Variants in ABLIM3 observed in about 807,000 individuals in gnomAD.
The protein encoded by ABLIM3 is actin binding LIM protein family member 3.
ABLIM3 carries 61 observed loss-of-function variants against 109.5 expected under a neutral mutation model. That is an observed-to-expected ratio of 0.56 (90% CI 0.45 to 0.69). The LOEUF is 0.69. Among genes scored for constraint, ABLIM3 ranks in the 30% least tolerant of loss-of-function variants. The probability of loss-of-function intolerance (pLI) is 0.00; values close to 1 mark genes in which losing one functional copy is unlikely to be tolerated. For synonymous variants in ABLIM3, 300 were observed against 324.8 expected, an observed-to-expected ratio of 0.92 and a Z score of 0.82; for missense variants, 796 against 889.5, an observed-to-expected ratio of 0.89 and a Z score of 1.34.
At chr5:149,154,182 G>T (rs576780301) in intron 2 of ABLIM3, among the ~76,000 whole-genome samples, 1 of 152,210 alleles carries the variant, frequency 6.6e-6, no homozygotes, top group Non-Finnish European at 1.5e-5. Flanking sequence ...AGCAGCAGGG[G>T]CAGCCCAAGG....
At chr5:149,205,694 A>G (rs1758898195) in intron 5 of ABLIM3, among the ~76,000 whole-genome samples, 1 of 152,210 alleles carries the variant, frequency 6.6e-6, no homozygotes, top group Admixed American at 6.5e-5. Flanking sequence ...GAAACTCTTT[A>G]TTCTCTCAGC....
At chr5:149,209,537 C>G (rs1759338619) in intron 6 of ABLIM3, among the ~76,000 whole-genome samples, 1 of 152,260 alleles carries the variant, frequency 6.6e-6, no homozygotes, top group South Asian at 2.1e-4. Flanking sequence ...TTACCATCCT[C>G]TTTTAGAATT....
chr5:149,255,184 C>G (rs1239491321), intron 23 of ABLIM3, among the ~76,000 whole-genome samples: 3 of 152,234 alleles, frequency 2.0e-5, no homozygotes. Flanking sequence ...GGGAGCTTAA[C>G]TACACAGTGC....
chr5:149,215,472 T>C (rs896103586), intron 7 of ABLIM3, among the ~76,000 whole-genome samples: 14 of 149,334 alleles, frequency 9.4e-5, no homozygotes, highest in Admixed American at 8.0e-4. Flanking sequence ...ATAGAGATAA[T>C]ATCTCCAGAA....
intron 11 of ABLIM3, among the ~76,000 whole-genome samples, chr5:149,238,249 G>A (rs542719303): frequency 6.6e-6 from 1 of 152,328 alleles, no homozygotes; most frequent in African/African-American, 2.4e-5. Flanking sequence ...GGTCCTGGCA[G>A]TCTATATCCT....
rs185677814 is a variant in ABLIM3, at chr5:149,259,995, G to A, written c.*1591G>A. On this transcript the variant is annotated 3_prime_UTR_variant, in exon 24 of 24. Coordinates refer to ENST00000309868, the MANE Select transcript of ABLIM3 (RefSeq NM_014945.5). ...TCTCAGGGATATGCCTACCAATAGCGGGTATCGTAAGGCATGTACCCAAAC... is the reference window on the plus strand; with the variant it reads ...TCTCAGGGATATGCCTACCAATAGCAGGTATCGTAAGGCATGTACCCAAAC... 1.1e-4 allele frequency: 23 copies of A among 201,710 alleles called. No homozygotes were observed. The East Asian group carries it at 2.0e-3, about 18-fold the overall frequency. 12.5% of individuals were successfully genotyped at this position (201,710 alleles called of 1,614,324 possible). A position where few individuals can be genotyped will look rare whatever the true frequency, so the allele number is the denominator to read the frequency against.
At chr5:149,196,130 C>T (rs6580601) in intron 3 of ABLIM3, among the ~76,000 whole-genome samples, 85,516 of 151,886 alleles carry the variant, frequency 0.56, 24,726 homozygotes, top group Middle Eastern at 0.67. Flanking sequence ...ACTGTGTCTC[C>T]CACTGTCCTG....
intron 2 of ABLIM3, among the ~76,000 whole-genome samples, chr5:149,168,272 C>T (rs186518227): frequency 2.6e-5 from 4 of 152,186 alleles, no homozygotes; most frequent in Admixed American, 6.5e-5. Context: ...TGAGCTCAAG[C>T]GCTCTGTAAG....
intron 8 of ABLIM3, among the ~76,000 whole-genome samples, chr5:149,229,972 C>T (rs754720357): frequency 1.2e-4 from 19 of 152,150 alleles, no homozygotes; most frequent in Non-Finnish European, 1.9e-4. Context: ...TGCTCTCAAG[C>T]GGAATATACA....
At chr5:149,203,640 G>A (rs983800735) in intron 5 of ABLIM3, among the ~76,000 whole-genome samples, 3 of 151,124 alleles carry the variant, frequency 2.0e-5, no homozygotes, top group African/African-American at 4.9e-5. Flanking sequence ...CTTCGCCAAC[G>A]CTACCATAAT....
rs188054512 is a variant in ABLIM3 at position 149,250,781 on chromosome 5, G to A, written c.1788+276G>A. ...CACTTTGCAAGCACTAATTTGTTTT[G>A]CCTTCACAACCCATGGAGGCAGTTA... On this transcript the variant is annotated intron_variant, in intron 20 of 23. Transcript: ENST00000309868. Among the ~76,000 whole-genome samples, 8 of 152,278 alleles carry A rather than the reference G, an allele frequency of 5.3e-5. No homozygotes were observed. The East Asian group carries it at 1.5e-3, about 29-fold the overall frequency.
chr5:149,211,853 C>T (rs1380634175), intron 7 of ABLIM3, among the ~76,000 whole-genome samples: 3 of 152,028 alleles, frequency 2.0e-5, no homozygotes, highest in Non-Finnish European at 4.4e-5. Context: ...ATGAGCTTGA[C>T]CCATTCAAAG....
chr5:149,166,989 A>G (rs1484327553), intron 2 of ABLIM3, among the ~76,000 whole-genome samples: 1 of 152,154 alleles, frequency 6.6e-6, no homozygotes. Context: ...GTGTTTGTCT[A>G]TGTGGGGTGT....
intron 22 of ABLIM3, 196 bp downstream of exon 22, chr5:149,252,404 A>G: frequency 1.7e-6 from 1 of 584,836 alleles, no homozygotes; most frequent in Non-Finnish European, 3.0e-6. Flanking sequence ...TCTCTTGCCT[A>G]CTGAAATCAG....
At position 149,195,961 on chromosome 5, in the gene ABLIM3, A is replaced by G. The variant is rs1264461574; in HGVS notation, c.152-2258A>G. 2.0e-5 allele frequency among the ~76,000 whole-genome samples: 3 copies of G among 152,236 alleles called. No individual in the cohort carries two copies. In the East Asian group the frequency reaches 5.8e-4, roughly 29 times the overall value. ...AGCGCTAAAGGAAGCTTTTCTTCTC[A>G]TAGACTTACAGCATGTCAGTTCTAA... On this transcript the variant is annotated intron_variant, in intron 3 of 23. Transcript: ENST00000309868.
At chr5:149,243,229 G>T (rs2127562553) in intron 15 of ABLIM3, 1 of 152,440 alleles carries the variant, frequency 6.6e-6, no homozygotes, top group Non-Finnish European at 1.5e-5. Flanking sequence ...TATTGAGAGT[G>T]TGAACTAAGA....
In ABLIM3 at chr5:149,258,858, G is replaced by A. The variant is rs1047319834; in HGVS notation, c.*454G>A. 1.3e-4 allele frequency: 127 copies of A among 989,840 alleles called. No homozygotes were observed. Among genetic ancestry groups the A allele is most frequent in the Non-Finnish European group, 1.5e-4 (125 of 833,088 alleles). 61.3% of individuals were successfully genotyped at this position (989,840 alleles called of 1,614,324 possible). On this transcript the variant is annotated 3_prime_UTR_variant, in exon 24 of 24. Coordinates refer to ENST00000309868, the MANE Select transcript of ABLIM3 (RefSeq NM_014945.5). ...TGCAGCAGTCTCCCCAAATCAGTGAGCACCTTTGAGCGCCCACGAAGAACT... is the reference window on the plus strand; with the variant it reads ...TGCAGCAGTCTCCCCAAATCAGTGAACACCTTTGAGCGCCCACGAAGAACT...
At position 149,247,277 on chromosome 5, in the gene ABLIM3, G is replaced by T. The variant is rs183040882; in HGVS notation, c.1552-505G>T. 3.2e-3 allele frequency among the ~76,000 whole-genome samples: 493 copies of T among 152,288 alleles called. 5 individuals are homozygous for T. Among genetic ancestry groups the T allele is most frequent in the African/African-American group, 0.011 (471 of 41,542 alleles). On this transcript the variant is annotated intron_variant, in intron 17 of 23. Coordinates refer to ENST00000309868, the MANE Select transcript of ABLIM3 (RefSeq NM_014945.5). ...CATAGAGACAGAACATAGATTGCTG[G>T]TTCCCAGGGGCACGGGGAGAGGGGA...
At chr5:149,192,494 G>A (rs947315856) in intron 3 of ABLIM3, among the ~76,000 whole-genome samples, 2 of 137,564 alleles carry the variant, frequency 1.5e-5, no homozygotes, top group Non-Finnish European at 2.9e-5. Context: ...CTCCACCTAC[G>A]GGGCGCCTGT....
Sources: gnomAD v4.1 joint callset for allele counts (sites outside exome capture counted in the v4.1 genomes callset) on GRCh38, gnomAD v4.1.1 for gene constraint, MANE v1.5 for transcripts, NCBI Gene and HGNC (gene_info 2026-07-23, HGNC 2026-07-21) for gene names.